The following TDRD3 variants were observed in gnomAD, a reference collection of about 807,000 sequenced individuals.
The protein encoded by TDRD3 is tudor domain containing 3.
Under a neutral mutation model 86.7 loss-of-function variants are expected in TDRD3, and 45 were observed. The ratio of observed to expected loss-of-function variants is 0.52; its 90% confidence interval spans 0.41 to 0.67. The LOEUF (loss-of-function observed/expected upper bound fraction) is 0.67, where lower values mean the gene tolerates loss of function less well. Ranked by LOEUF, TDRD3 falls within the 30% of genes least tolerant of loss-of-function variation. TDRD3 has a pLI of 0.00. For synonymous variants in TDRD3, 298 were observed against 301.7 expected (o/e 0.99, Z 0.13); for missense variants, 814 against 889.0 (o/e 0.92, Z 1.07).
intron 1 of TDRD3, among the ~76,000 whole-genome samples, chr13:60,438,446 G>A (rs751419619): frequency 1.3e-5 from 2 of 151,926 alleles, no homozygotes; most frequent in Admixed American, 6.6e-5. Flanking sequence ...TATCATTGTG[G>A]TTTAACAGTG....
At chr13:60,555,070 G>A (rs1166146091) in intron 12 of TDRD3, among the ~76,000 whole-genome samples, 2 of 151,934 alleles carry the variant, frequency 1.3e-5, no homozygotes, top group African/African-American at 4.8e-5. Context: ...AAAATCTTGG[G>A]GATACTTTTT....
intron 8 of TDRD3, among the ~76,000 whole-genome samples, chr13:60,500,451 G>C (rs9538722): frequency 0.15 from 22,569 of 152,096 alleles, 2,100 homozygotes; most frequent in South Asian, 0.28. Flanking sequence ...AGTTGACAGA[G>C]GAAGAGAAGA....
intron 1 of TDRD3, among the ~76,000 whole-genome samples, chr13:60,426,064 T>G (rs1480733263): frequency 6.6e-6 from 1 of 152,164 alleles, no homozygotes; most frequent in Non-Finnish European, 1.5e-5. Context: ...CAAGGGTGAC[T>G]TGTATTTACA....
intron 4 of TDRD3, among the ~76,000 whole-genome samples, chr13:60,465,372 T>C (rs944689326): frequency 6.6e-6 from 1 of 152,192 alleles, no homozygotes; most frequent in Admixed American, 6.5e-5. Context: ...ACTATTGTAA[T>C]TGTATTCAGC....
chr13:60,464,152 C>T (rs1423918943), intron 4 of TDRD3, among the ~76,000 whole-genome samples: 1 of 152,142 alleles, frequency 6.6e-6, no homozygotes, highest in African/African-American at 2.4e-5. Flanking sequence ...TGCCATGCTG[C>T]TTGTACAGTC....
chr13:60,409,990 G>C (rs1443149565), intron 1 of TDRD3, among the ~76,000 whole-genome samples: 1 of 152,130 alleles, frequency 6.6e-6, no homozygotes, highest in Admixed American at 6.5e-5. Context: ...TTGAATCATG[G>C]GGGCCAGTCT....
At chr13:60,540,450 A>G (rs1356718306) in intron 12 of TDRD3, among the ~76,000 whole-genome samples, 3 of 152,186 alleles carry the variant, frequency 2.0e-5, no homozygotes, top group Non-Finnish European at 4.4e-5. Context: ...ATACAAAAAC[A>G]CTTTGCTGGA....
At chr13:60,399,868 G>C (rs990148930) in intron 1 of TDRD3, among the ~76,000 whole-genome samples, 1 of 152,144 alleles carries the variant, frequency 6.6e-6, no homozygotes, top group African/African-American at 2.4e-5. Flanking sequence ...CTTCAGGGGG[G>C]TACAGAAGAT....
intron 3 of TDRD3, among the ~76,000 whole-genome samples, chr13:60,458,599 C>T (rs542746871): frequency 6.6e-6 from 1 of 152,230 alleles, no homozygotes; most frequent in Admixed American, 6.5e-5. Context: ...AGTGCGGTGC[C>T]TAGGATGCAT....
At chr13:60,494,200 T>C (rs1305573538) in intron 7 of TDRD3, among the ~76,000 whole-genome samples, 1 of 152,216 alleles carries the variant, frequency 6.6e-6, no homozygotes, top group Non-Finnish European at 1.5e-5. Context: ...ATGACTTCCC[T>C]TTTATTCACA....
intron 13 of TDRD3, 47 bp downstream of exon 13, chr13:60,567,697 T>C (rs1690509413): frequency 1.9e-6 from 3 of 1,598,408 alleles, no homozygotes; most frequent in African/African-American, 1.3e-5. Context: ...AAAGATGAAA[T>C]TCATGTTAAG....
intron 10 of TDRD3, among the ~76,000 whole-genome samples, chr13:60,523,076 T>C (rs183434519): frequency 3.3e-5 from 5 of 152,202 alleles, no homozygotes; most frequent in Non-Finnish European, 5.9e-5. Flanking sequence ...CATGAAATTA[T>C]GTAGGCAAAA....
At chr13:60,429,346 A>C (rs61970127) in intron 1 of TDRD3, among the ~76,000 whole-genome samples, 22,838 of 152,136 alleles carry the variant, frequency 0.15, 2,161 homozygotes, top group South Asian at 0.28. Context: ...ATGATAATTG[A>C]AGTAGATTTT....
intron 1 of TDRD3, among the ~76,000 whole-genome samples, chr13:60,415,709 C>T (rs760048008): frequency 7.9e-5 from 12 of 152,092 alleles, no homozygotes; most frequent in Admixed American, 1.3e-4. Flanking sequence ...AAGCTTTGTA[C>T]AGATGCCTTG....
At chr13:60,413,058 T>G (rs75790801) in intron 1 of TDRD3, among the ~76,000 whole-genome samples, 1 of 151,870 alleles carries the variant, frequency 6.6e-6, no homozygotes, top group African/African-American at 2.4e-5. Context: ...TTTTTTTTTT[T>G]GCCTAAGTAC....
At chr13:60,505,619 A>G (rs1159761681) in intron 8 of TDRD3, among the ~76,000 whole-genome samples, 1 of 152,204 alleles carries the variant, frequency 6.6e-6, no homozygotes, top group Admixed American at 6.5e-5. Context: ...AATGCAAGGA[A>G]GCTAAGAAAC....
chr13:60,435,018 T>C (rs1331110679), intron 1 of TDRD3, among the ~76,000 whole-genome samples: 1 of 152,222 alleles, frequency 6.6e-6, no homozygotes, highest in East Asian at 1.9e-4. Context: ...TTATCACTTG[T>C]TTTATTCATT....
At position 60,563,661 on chromosome 13, in the gene TDRD3, C is replaced by CT. The variant is rs547430364; in HGVS notation, c.2119-3862dup. On this transcript the variant is annotated intron_variant, in intron 12 of 13. Coordinates refer to ENST00000377881, the MANE Select transcript of TDRD3 (RefSeq NM_001146070.2). ...CCCCAGCCGAGGCAGATAGCTCTCA[C>CT]TTGAGAACTCTTTCCTTAAAGGACT... Among the ~76,000 whole-genome samples the CT allele has an allele frequency of 2.0e-3, 308 of 152,338 alleles. 3 individuals carry two copies. The highest frequency in any genetic ancestry group is 6.8e-3 in the African/African-American group (283 of 41,574).
intron 10 of TDRD3, 86 bp downstream of exon 10, chr13:60,510,841 A>G: frequency 7.8e-7 from 1 of 1,280,232 alleles, no homozygotes; most frequent in Non-Finnish European, 1.0e-6. Context: ...TTAAAAGACC[A>G]AACTTTATTT....
Sources: allele counts gnomAD v4.1 joint callset (sites outside exome capture counted in the v4.1 genomes callset), GRCh38; gene constraint gnomAD v4.1.1; transcripts MANE v1.5; gene names NCBI Gene and HGNC (gene_info 2026-07-23, HGNC 2026-07-21).